The following RBM15B variants were observed in gnomAD, a reference collection of about 807,000 sequenced individuals.
RBM15B encodes the protein RNA binding motif protein 15B, also known as putative RNA-binding protein 15B.
A neutral mutation model predicts 53.3 loss-of-function variants in RBM15B; 11 were observed. The observed-to-expected ratio is 0.21, with a 90% CI of 0.13 to 0.34. The LOEUF (loss-of-function observed/expected upper bound fraction) is 0.34. Ranked by LOEUF, RBM15B falls within the 10% of genes least tolerant of loss-of-function variation. The pLI is 1.00. For missense variants in RBM15B, 1,136 were observed against 1,250.3 expected (o/e 0.91, Z 1.38); for synonymous variants, 631 against 540.7 (o/e 1.17, Z -2.32).
chr3:51,396,317 A>T lies in RBM15B; in HGVS notation c.*2245A>T, dbSNP rs2089201283. On this transcript the variant is annotated 3_prime_UTR_variant, in exon 1 of 1. Transcript: ENST00000563281. ...TCCCATGGCCCCAAAAAGAACTGCC[A>T]AGTTTTGGTGAGGAGTAACACCCTG... 1 of 178,452 alleles carries T rather than the reference A, an allele frequency of 5.6e-6. No individual in the cohort carries two copies. The highest frequency in any genetic ancestry group is 2.4e-5 in the African/African-American group (1 of 41,984). 11.1% of individuals were successfully genotyped at this position (178,452 alleles called of 1,614,324 possible).
At position 51,393,552 on chromosome 3, in the gene RBM15B, T is replaced by C; in HGVS notation, c.2153T>C (p.Leu718Pro). 6.2e-7 allele frequency: 1 copy of C among 1,614,108 alleles called. No homozygotes were observed. The highest frequency in any genetic ancestry group is 8.5e-7 in the Non-Finnish European group (1 of 1,180,006). The change falls in exon 1 of 1, where the codon CTA becomes CCA. Residue 718 changes from leucine (L) to proline (P), a missense_variant. Transcript: ENST00000563281. The surrounding 1 kb of genome is among the most constrained non-coding windows in gnomAD (Gnocchi z 5.6). Reference sequence around the variant, plus strand: ...AATCTTTCAGAGTACGCTCAGACACTACAGCTGGGTTGGAATGGGCTTCTG... The same window carrying C: ...AATCTTTCAGAGTACGCTCAGACACCACAGCTGGGTTGGAATGGGCTTCTG... ...LKNLSEYAQT[L>P]QLGWNGLLVL...
rs1197478608 is a variant in RBM15B, at chr3:51,395,066, G to C, written c.*994G>C. 1 of 167,212 alleles carries C rather than the reference G, an allele frequency of 6.0e-6. No individual in the cohort carries two copies. The highest frequency in any genetic ancestry group is 1.5e-5 in the Non-Finnish European group (1 of 68,246). The allele number at this position is 167,212 out of a possible 1,614,324, so 10.4% of individuals were successfully genotyped here. A position where few individuals can be genotyped will look rare whatever the true frequency, so the allele number is the denominator to read the frequency against. The stretch of plus-strand genomic sequence containing the variant: ...TTTTTGGCTTTCTCTGGTCGTTCAG[G>C]GGTGATGGGTAATAGAGCAGGCCCG... On this transcript the variant is annotated 3_prime_UTR_variant, in exon 1 of 1. Coordinates refer to ENST00000563281, the MANE Select transcript of RBM15B (RefSeq NM_013286.5).
In RBM15B at chr3:51,393,052, C is replaced by G. The variant is rs781959908; in HGVS notation, c.1653C>G (p.Thr551=). The change falls in exon 1 of 1, where the codon ACC becomes ACG. Residue 551 remains threonine, a synonymous_variant. Coordinates refer to ENST00000563281, the MANE Select transcript of RBM15B (RefSeq NM_013286.5). The surrounding 1 kb of genome is among the most constrained non-coding windows in gnomAD (Gnocchi z 5.6). The part of the protein sequence containing the change: ...RDRTFLEGDW[T]SPSKSSDRRN... ...GGACTTTTTTGGAAGGGGACTGGAC[C>G]AGCCCCAGTAAAAGCTCTGACCGCC... 1.9e-6 allele frequency: 3 copies of G among 1,613,708 alleles called. No homozygotes were observed. In the African/African-American group the frequency reaches 4.0e-5, roughly 22 times the overall value.
rs782270577 is a variant in RBM15B, at chr3:51,395,923, G to C, written c.*1851G>C. ...TTTTTGTTTTTTTACTTGAGCTGTG[G>C]TCACAGCTGCCAGGTACCTAAGCAA... On this transcript the variant is annotated 3_prime_UTR_variant, in exon 1 of 1. Coordinates refer to ENST00000563281, the MANE Select transcript of RBM15B (RefSeq NM_013286.5). 1 of 413,494 alleles carries C rather than the reference G, an allele frequency of 2.4e-6. No homozygotes were observed. Among genetic ancestry groups the C allele is most frequent in the Non-Finnish European group, 4.4e-6 (1 of 226,140 alleles). 25.6% of individuals were successfully genotyped at this position (413,494 alleles called of 1,614,324 possible).
chr3:51,396,789 A>G lies in RBM15B; in HGVS notation c.*2717A>G, dbSNP rs1399709385. 1 of 167,132 alleles carries G rather than the reference A, an allele frequency of 6.0e-6. No homozygotes were observed. The highest frequency in any genetic ancestry group is 2.4e-5 in the African/African-American group (1 of 41,468). 10.4% of individuals were successfully genotyped at this position (167,132 alleles called of 1,614,324 possible). A position where few individuals can be genotyped will look rare whatever the true frequency, so the allele number is the denominator to read the frequency against. On this transcript the variant is annotated 3_prime_UTR_variant, in exon 1 of 1. Transcript: ENST00000563281. ...AGAGACCTGTGGGTGCTCCCAGCAG[A>G]GTTGAGACTGGCTCCGTTGAGTTAA...
rs1219562564 is a variant in RBM15B, at chr3:51,394,223, A to G, written c.*151A>G. 1 of 1,108,438 alleles carries G rather than the reference A, an allele frequency of 9.0e-7. No homozygotes were observed. Among genetic ancestry groups the G allele is most frequent in the Non-Finnish European group, 1.2e-6 (1 of 861,178 alleles). 68.7% of individuals were successfully genotyped at this position (1,108,438 alleles called of 1,614,324 possible). A position where few individuals can be genotyped will look rare whatever the true frequency, so the allele number is the denominator to read the frequency against. Reference sequence around the variant, plus strand: ...GGGATCAAAGTCCTGTCCACCACCAAAACTAAGTTCTTAGATTTTGGGGGA... The same window carrying G: ...GGGATCAAAGTCCTGTCCACCACCAGAACTAAGTTCTTAGATTTTGGGGGA... On this transcript the variant is annotated 3_prime_UTR_variant, in exon 1 of 1. Coordinates refer to ENST00000563281, the MANE Select transcript of RBM15B (RefSeq NM_013286.5).
Position 51,394,213 on chromosome 3 carries a change from T to C in RBM15B, c.*141T>C. The C allele has an allele frequency of 1.7e-6, 2 of 1,148,342 alleles. No individual in the cohort carries two copies. Among genetic ancestry groups the C allele is most frequent in the Non-Finnish European group, 2.2e-6 (2 of 896,018 alleles). The allele number at this position is 1,148,342 out of a possible 1,614,324, so 71.1% of individuals were successfully genotyped here. A position where few individuals can be genotyped will look rare whatever the true frequency, so the allele number is the denominator to read the frequency against. ...CATTTGGGTGGGGATCAAAGTCCTG[T>C]CCACCACCAAAACTAAGTTCTTAGA... On this transcript the variant is annotated 3_prime_UTR_variant, in exon 1 of 1. Transcript: ENST00000563281.
Position 51,396,398 on chromosome 3 carries a change from A to T in RBM15B, c.*2326A>T, listed in dbSNP as rs1395895411. 1 of 167,380 alleles carries T rather than the reference A, an allele frequency of 6.0e-6. No homozygotes were observed. Among genetic ancestry groups the T allele is most frequent in the Non-Finnish European group, 1.5e-5 (1 of 68,394 alleles). 10.4% of individuals were successfully genotyped at this position (167,380 alleles called of 1,614,324 possible). On this transcript the variant is annotated 3_prime_UTR_variant, in exon 1 of 1. Coordinates refer to ENST00000563281, the MANE Select transcript of RBM15B (RefSeq NM_013286.5). ...AACCACTTCCTTCCTTTGGCTCTTA[A>T]GACCTAGCAGGTTCTGTGAACTCTC...
At position 51,393,824 on chromosome 3, in the gene RBM15B, A is replaced by G; in HGVS notation, c.2425A>G (p.Met809Val). 6.2e-7 allele frequency: 1 copy of G among 1,612,018 alleles called. No individual in the cohort carries two copies. ...ATPSGLGTEG[M>V]PTVEPGLQRR... ...CCCCAGTGGGCTTGGCACTGAGGGG[A>G]TGCCCACAGTAGAGCCCGGTCTGCA... Residue 809 changes from methionine (M) to valine (V), a missense_variant, in exon 1 of 1, where the codon ATG (methionine) becomes GTG (valine). Transcript: ENST00000563281. This position sits in a 1 kb window ranked among gnomAD's most constrained non-coding sequence, Gnocchi z 5.6.
rs147755459 is a variant in RBM15B at position 51,392,908 on chromosome 3, C to G, written c.1509C>G (p.Pro503=). Residue 503 remains proline (P), a synonymous_variant, in exon 1 of 1, where the codon CCC becomes CCG. Transcript: ENST00000563281. The surrounding 1 kb of genome is among the most constrained non-coding windows in gnomAD (Gnocchi z 7.5). ...EETRYPQQYQ[P]SPLPVHYELL... is the part of the protein sequence containing the mutation. ...CTCGGTACCCCCAGCAGTACCAGCCCTCGCCACTCCCTGTGCATTATGAGC... is the reference window on the plus strand; with the variant it reads ...CTCGGTACCCCCAGCAGTACCAGCCGTCGCCACTCCCTGTGCATTATGAGC... 3 of 1,613,814 alleles carry G rather than the reference C, an allele frequency of 1.9e-6. No individual in the cohort carries two copies. The highest frequency in any genetic ancestry group is 2.5e-6 in the Non-Finnish European group (3 of 1,180,054).
In RBM15B at chr3:51,394,137, CCT is replaced by C. The variant is rs2089094744; in HGVS notation, c.*70_*71del. On this transcript the variant is annotated 3_prime_UTR_variant, in exon 1 of 1. Coordinates refer to ENST00000563281, the MANE Select transcript of RBM15B (RefSeq NM_013286.5). ...AAGCAGTTATTTTAAAATCTGATCC[CCT>C]CTCTACCCTACCACTTTGGTTTGAA... is the stretch of plus-strand genomic sequence containing the variant. 3 of 1,348,654 alleles carry C rather than the reference CCT, an allele frequency of 2.2e-6. No individual in the cohort carries two copies. The highest frequency in any genetic ancestry group is 5.2e-5 in the South Asian group (2 of 38,394). 83.5% of individuals were successfully genotyped at this position (1,348,654 alleles called of 1,614,324 possible). A position where few individuals can be genotyped will look rare whatever the true frequency, so the allele number is the denominator to read the frequency against.
rs1214992477 is a variant in RBM15B, at chr3:51,391,359, T to C, written c.-41T>C. On this transcript the variant is annotated 5_prime_UTR_variant, in exon 1 of 1. Transcript: ENST00000563281. The surrounding 1 kb of genome is among the most constrained non-coding windows in gnomAD (Gnocchi z 4.5). The stretch of plus-strand genomic sequence containing the variant: ...CGGCCGCCGCCTCCGCCGCCGCCGC[T>C]GTGAGAAACCTACGGGCCGCCCGCC... 72 of 1,187,136 alleles carry C rather than the reference T, an allele frequency of 6.1e-5. No homozygotes were observed. In the East Asian group the frequency reaches 2.5e-3, roughly 42 times the overall value. 73.5% of individuals were successfully genotyped at this position (1,187,136 alleles called of 1,614,324 possible).
Position 51,395,958 on chromosome 3 carries a change from G to A in RBM15B, c.*1886G>A. ...CCAGGTACCTAAGCAAGTCAGTTGG[G>A]TACAGCAGGACACGCCACCATTCCA... is the stretch of plus-strand genomic sequence containing the variant. On this transcript the variant is annotated 3_prime_UTR_variant, in exon 1 of 1. Coordinates refer to ENST00000563281, the MANE Select transcript of RBM15B (RefSeq NM_013286.5). The A allele has an allele frequency of 2.4e-6, 1 of 413,496 alleles. No individual in the cohort carries two copies. Among genetic ancestry groups the A allele is most frequent in the Non-Finnish European group, 4.4e-6 (1 of 226,126 alleles). The allele number at this position is 413,496 out of a possible 1,614,324, so 25.6% of individuals were successfully genotyped here. A position where few individuals can be genotyped will look rare whatever the true frequency, so the allele number is the denominator to read the frequency against.
In RBM15B at chr3:51,395,596, G is replaced by A. The variant is rs1553622606; in HGVS notation, c.*1524G>A. On this transcript the variant is annotated 3_prime_UTR_variant, in exon 1 of 1. Transcript: ENST00000563281. ...CAGGGCTGAGGAGAACAGAAGCTCTGGTAAGCGAATGAGCCCCTAGATGAT... is the reference window on the plus strand; with the variant it reads ...CAGGGCTGAGGAGAACAGAAGCTCTAGTAAGCGAATGAGCCCCTAGATGAT... The A allele has an allele frequency of 9.9e-6, 4 of 402,684 alleles. No individual in the cohort carries two copies. The highest frequency in any genetic ancestry group is 1.8e-5 in the Non-Finnish European group (4 of 219,972). 24.9% of individuals were successfully genotyped at this position (402,684 alleles called of 1,614,324 possible). A position where few individuals can be genotyped will look rare whatever the true frequency, so the allele number is the denominator to read the frequency against.
Position 51,393,767 on chromosome 3 carries a change from G to A in RBM15B, c.2368G>A (p.Gly790Ser). 1.9e-6 allele frequency: 3 copies of A among 1,613,854 alleles called. No individual in the cohort carries two copies. Among genetic ancestry groups the A allele is most frequent in the South Asian group, 1.1e-5 (1 of 91,074 alleles). ...ACGCATCAAGCAGGGGAGCCCCAAC[G>A]GCTATGCGGTCCTCTTAGCCACCCA... ...TRRIKQGSPN[G>S]YAVLLATQAT... is the part of the protein sequence containing the mutation. Residue 790 changes from glycine (G) to serine (S), a missense_variant, in exon 1 of 1, where the codon GGC becomes AGC. Coordinates refer to ENST00000563281, the MANE Select transcript of RBM15B (RefSeq NM_013286.5). The surrounding 1 kb of genome is among the most constrained non-coding windows in gnomAD (Gnocchi z 5.6).
chr3:51,393,663 C>T lies in RBM15B; in HGVS notation c.2264C>T (p.Thr755Ile), dbSNP rs782808419. 6.2e-7 allele frequency: 1 copy of T among 1,612,726 alleles called. No homozygotes were observed. Among genetic ancestry groups the T allele is most frequent in the South Asian group, 1.1e-5 (1 of 90,900 alleles). Residue 755 changes from threonine to isoleucine, a missense_variant, in exon 1 of 1, where the codon ACT (threonine) becomes ATT (isoleucine). Thr to Ile is a moderately conservative substitution (Grantham distance 89). This residue lies in a region of RBM15B where 578 missense variants were observed against 581.6 expected (regional missense o/e 0.99). Transcript: ENST00000563281. The surrounding 1 kb of genome is among the most constrained non-coding windows in gnomAD (Gnocchi z 5.6). The stretch of plus-strand genomic sequence containing the variant: ...ATCAGCAGTCTCCTCAAAGACCACA[C>T]TTCTGGGAGCAAGCTGACCCAGCTG... ...GVISSLLKDH[T>I]SGSKLTQLKI...
rs781896764 is a variant in RBM15B, at chr3:51,393,390, G to GCCA, written c.2008_2010dup (p.His670dup). 846 of 1,613,188 alleles carry GCCA rather than the reference G, an allele frequency of 5.2e-4. 1 individual carries two copies. Among genetic ancestry groups the GCCA allele is most frequent in the Non-Finnish European group, 6.3e-4 (746 of 1,179,776 alleles). On this transcript the variant is annotated inframe_insertion, in exon 1 of 1. Transcript: ENST00000563281. The surrounding 1 kb of genome is among the most constrained non-coding windows in gnomAD (Gnocchi z 5.6). ...AGCAGACATGGGGCTGAGGAACGGGGCCACCACCACCACCACCACGAGGCT... is the reference window on the plus strand; with the variant it reads ...AGCAGACATGGGGCTGAGGAACGGGGCCACCACCACCACCACCACCACGAGGCT...
At position 51,395,998 on chromosome 3, in the gene RBM15B, G is replaced by A. The variant is rs896471208; in HGVS notation, c.*1926G>A. ...CCACCATTCCAGGGTAGCTGGTACC[G>A]CCAGAAACAGGAGTGGGTCTTGTCC... On this transcript the variant is annotated 3_prime_UTR_variant, in exon 1 of 1. Transcript: ENST00000563281. The A allele has an allele frequency of 4.1e-5, 17 of 412,872 alleles. No individual in the cohort carries two copies. Among genetic ancestry groups the A allele is most frequent in the South Asian group, 1.3e-4 (1 of 7,688 alleles). The allele number at this position is 412,872 out of a possible 1,614,324, so 25.6% of individuals were successfully genotyped here.
rs782554787 is a variant in RBM15B at position 51,393,600 on chromosome 3, C to T, written c.2201C>T (p.Pro734Leu). The part of the protein sequence containing the change: ...GLLVLKNSCF[P>L]TSMHILEGDQ... Reference sequence around the variant, plus strand: ...CTGGTGTTGAAAAACAGCTGCTTCCCCACGTCTATGCATATCCTAGAGGGG... The same window carrying T: ...CTGGTGTTGAAAAACAGCTGCTTCCTCACGTCTATGCATATCCTAGAGGGG... Residue 734 changes from proline (P) to leucine (L), a missense_variant, in exon 1 of 1, where the codon CCC becomes CTC. By Grantham distance (98) the Pro-to-Leu change is moderately conservative (BLOSUM62 -3). Coordinates refer to ENST00000563281, the MANE Select transcript of RBM15B (RefSeq NM_013286.5). This position sits in a 1 kb window ranked among gnomAD's most constrained non-coding sequence, Gnocchi z 5.6. 4 of 1,614,110 alleles carry T rather than the reference C, an allele frequency of 2.5e-6. No individual in the cohort carries two copies. In the Admixed American group the frequency reaches 5.0e-5, roughly 20 times the overall value.
Sources: allele counts gnomAD v4.1 joint callset, GRCh38; gene constraint gnomAD v4.1.1; regional missense constraint gnomAD v4.1.1; non-coding constraint Gnocchi (gnomAD v3.1); transcripts MANE v1.5; gene names NCBI Gene and HGNC (gene_info 2026-07-23, HGNC 2026-07-21).